Variants in MIR2052HG observed in about 807,000 individuals in gnomAD.
The protein encoded by MIR2052HG is MIR2052 host gene.
rs1808041801 is a variant in MIR2052HG, at chr8:74,602,877, T to TTTCTTTCTTTCTTTC, written n.128+2973_128+2974insTTCTTTCTTTCTTCT. 2.0e-3 allele frequency among the ~76,000 whole-genome samples: 109 copies of TTTCTTTCTTTCTTTC among 53,798 alleles called. 17 individuals are homozygous for TTTCTTTCTTTCTTTC. Among genetic ancestry groups the TTTCTTTCTTTCTTTC allele is most frequent in the South Asian group, 3.0e-3 (5 of 1,652 alleles). 35.3% of individuals were successfully genotyped at this position (53,798 alleles called of 152,430 possible). On this transcript the variant is annotated intron_variant and non_coding_transcript_variant, in intron 1 of 6. Coordinates refer to ENST00000523442, the Ensembl canonical transcript of MIR2052HG. ...TCTTTCTTTCTTTCTTTCTTTCTTTTTTCTATTCACAAAGAAAAAGCTCCA... is the reference window on the plus strand; with the variant it reads ...TCTTTCTTTCTTTCTTTCTTTCTTTTTTCTTTCTTTCTTTCTTCTATTCACAAAGAAAAAGCTCCA...
intron 2 of MIR2052HG, among the ~76,000 whole-genome samples, chr8:74,640,865 C>T (rs1365032): frequency 0.44 from 67,396 of 151,980 alleles, 15,398 homozygotes; most frequent in East Asian, 0.66. Flanking sequence ...ATAAACTGTA[C>T]GAAAGCTCTG....
chr8:74,732,168 G>C (rs906453429), intron 4 of MIR2052HG, among the ~76,000 whole-genome samples: 1 of 151,976 alleles, frequency 6.6e-6, no homozygotes, highest in African/African-American at 2.4e-5. Flanking sequence ...GCAAAACATA[G>C]CAAAAATTAA....
chr8:74,610,457 T>C (rs1429621813), intron 1 of MIR2052HG, among the ~76,000 whole-genome samples: 1 of 151,938 alleles, frequency 6.6e-6, no homozygotes, highest in Non-Finnish European at 1.5e-5. Flanking sequence ...AATCTATAAA[T>C]TTCTCAGCAG....
At position 74,671,678 on chromosome 8, in the gene MIR2052HG, A is replaced by G. The variant is rs1290312322; in HGVS notation, n.217-30701A>G. On this transcript the variant is annotated intron_variant and non_coding_transcript_variant, in intron 2 of 6. Coordinates refer to ENST00000523442, the Ensembl canonical transcript of MIR2052HG. The stretch of plus-strand genomic sequence containing the variant: ...TGTGTGGACTGAAAATGAGAGAGCT[A>G]TTCAAGTAGTGTGCTTTGTGGTGGT... 2.0e-5 allele frequency among the ~76,000 whole-genome samples: 3 copies of G among 152,136 alleles called. No homozygotes were observed. In the South Asian group the frequency reaches 6.2e-4, roughly 32 times the overall value.
In MIR2052HG at chr8:74,703,756, C is replaced by G. The variant is rs543204567; in HGVS notation, n.371+74C>G. On this transcript the variant is annotated intron_variant and non_coding_transcript_variant, in intron 4 of 6. Transcript: ENST00000523442. ...AAAGTCAAGTGATCTCTTTTGGTCC[C>G]CTTTCATACCACCATGAGTCTAGTC... 4.5e-4 allele frequency: 178 copies of G among 398,480 alleles called. 1 individual carries two copies. Among genetic ancestry groups the G allele is most frequent in the Middle Eastern group, 7.1e-4 (2 of 2,826 alleles). 24.7% of individuals were successfully genotyped at this position (398,480 alleles called of 1,614,324 possible).
chr8:74,715,459 A>C (rs1809510816), intron 4 of MIR2052HG, among the ~76,000 whole-genome samples: 1 of 152,132 alleles, frequency 6.6e-6, no homozygotes. Flanking sequence ...AAAGATATAA[A>C]CCTTTATGTT....
At position 74,731,152 on chromosome 8, in the gene MIR2052HG, G is replaced by T. The variant is rs542306845; in HGVS notation, n.372-21289G>T. ...GAATGAGAGACACATGAATGGAGTT[G>T]TCATGATGGTAGCGATAAAGGCCAC... On this transcript the variant is annotated intron_variant and non_coding_transcript_variant, in intron 4 of 6. Transcript: ENST00000523442. Among the ~76,000 whole-genome samples, 176 of 152,290 alleles carry T rather than the reference G, an allele frequency of 1.2e-3. 2 individuals carry two copies. Among genetic ancestry groups the T allele is most frequent in the Non-Finnish European group, 2.2e-3 (153 of 68,024 alleles).
At chr8:74,601,609 A>G (rs529360738) in intron 1 of MIR2052HG, among the ~76,000 whole-genome samples, 20 of 152,300 alleles carry the variant, frequency 1.3e-4, no homozygotes, top group African/African-American at 4.6e-4. Context: ...TTTTTGACAA[A>G]TAGTTAATTC....
intron 2 of MIR2052HG, among the ~76,000 whole-genome samples, chr8:74,678,020 T>A (rs1809073542): frequency 6.6e-6 from 1 of 152,072 alleles, no homozygotes; most frequent in African/African-American, 2.4e-5. Flanking sequence ...AGAAAATGTT[T>A]GAGAGTATTA....
At chr8:74,603,445 C>T (rs985534096) in intron 1 of MIR2052HG, 4 of 1,607,190 alleles carry the variant, frequency 2.5e-6, no homozygotes, top group African/African-American at 1.3e-5. Context: ...AGACATCTGA[C>T]GGATCTCATT....
chr8:74,608,815 T>G (rs555772632), intron 1 of MIR2052HG, among the ~76,000 whole-genome samples: 1 of 152,004 alleles, frequency 6.6e-6, no homozygotes, highest in Admixed American at 6.5e-5. Context: ...AGTGGAAAAT[T>G]TATGACACCA....
At chr8:74,602,033 G>T (rs1036496071) in intron 1 of MIR2052HG, among the ~76,000 whole-genome samples, 1 of 152,136 alleles carries the variant, frequency 6.6e-6, no homozygotes, top group Admixed American at 6.5e-5. Flanking sequence ...CCTGAATAGG[G>T]TCTGGGTAAA....
chr8:74,717,422 T>A (rs1809531454), intron 4 of MIR2052HG, among the ~76,000 whole-genome samples: 2 of 152,294 alleles, frequency 1.3e-5, no homozygotes, highest in Admixed American at 1.3e-4. Flanking sequence ...GGCATTTGGG[T>A]TGGTTCCATG....
At chr8:74,693,094 A>T (rs1297119356) in intron 2 of MIR2052HG, among the ~76,000 whole-genome samples, 1 of 152,176 alleles carries the variant, frequency 6.6e-6, no homozygotes, top group Non-Finnish European at 1.5e-5. Flanking sequence ...GCGTCAGAAA[A>T]CACAGACTGA....
chr8:74,724,369 C>G (rs1809612842), intron 4 of MIR2052HG, among the ~76,000 whole-genome samples: 1 of 152,124 alleles, frequency 6.6e-6, no homozygotes, highest in Admixed American at 6.5e-5. Flanking sequence ...AAAGTGATAC[C>G]TGTGACCCTC....
chr8:74,620,109 T>C (rs1808340966), intron 2 of MIR2052HG, among the ~76,000 whole-genome samples: 1 of 152,244 alleles, frequency 6.6e-6, no homozygotes, highest in Admixed American at 6.5e-5. Flanking sequence ...CATTAAACCT[T>C]AAGTTCCAAA....
intron 4 of MIR2052HG, among the ~76,000 whole-genome samples, chr8:74,738,045 T>C (rs1323509011): frequency 1.3e-5 from 2 of 149,252 alleles, no homozygotes; most frequent in African/African-American, 5.2e-5. Context: ...TGTATGCATG[T>C]ATGTATGTAT....
chr8:74,665,663 G>A (rs560428777), intron 2 of MIR2052HG, among the ~76,000 whole-genome samples: 211 of 152,104 alleles, frequency 1.4e-3, no homozygotes, highest in Non-Finnish European at 2.5e-3. Flanking sequence ...CCACATTTAT[G>A]ATTTTTTTCT....
chr8:74,648,728 A>G (rs1808721201), intron 2 of MIR2052HG, among the ~76,000 whole-genome samples: 1 of 152,202 alleles, frequency 6.6e-6, no homozygotes, highest in African/African-American at 2.4e-5. Context: ...GGTTCCCCCG[A>G]TACGTATTAT....
Sources: gnomAD v4.1 joint callset for allele counts (sites outside exome capture counted in the v4.1 genomes callset) on GRCh38, gnomAD v4.1.1 for gene constraint, MANE v1.5 for transcripts, NCBI Gene and HGNC (gene_info 2026-07-23, HGNC 2026-07-21) for gene names.